The following MYBPC1 variants were observed in gnomAD, a reference collection of about 807,000 sequenced individuals.
MYBPC1 encodes myosin binding protein C1, also known as myosin-binding protein C, slow-type.
A neutral mutation model predicts 147.1 loss-of-function variants in MYBPC1; 52 were observed. The ratio of observed to expected loss-of-function variants is 0.35; its 90% confidence interval spans 0.28 to 0.45. MYBPC1 has a LOEUF of 0.45. MYBPC1 is among the 20% of genes least tolerant of loss of function. The pLI, the probability that MYBPC1 is intolerant of heterozygous loss-of-function variation, is 1.00. For missense variants in MYBPC1, 1,228 were observed against 1,440.3 expected (o/e 0.85, Z 2.39); for synonymous variants, 477 against 475.9 (o/e 1.00, Z -0.03).
intron 3 of MYBPC1, among the ~76,000 whole-genome samples, chr12:101,617,730 A>G (rs939922420): frequency 1.3e-5 from 2 of 152,246 alleles, no homozygotes; most frequent in African/African-American, 2.4e-5. Context: ...CTACAGATAC[A>G]CAATATAACA....
chr12:101,651,447 C>A lies in MYBPC1; in HGVS notation c.1526+54C>A, dbSNP rs1332624031. 2.5e-6 allele frequency: 4 copies of A among 1,601,158 alleles called. No individual in the cohort carries two copies. The African/African-American group carries it at 5.4e-5, about 21-fold the overall frequency. Reference sequence around the variant, plus strand: ...GGTTTGGTCCCATTTCTACTTTCTCCATTTTCTAAATTACATATTTGGTGA... The same window carrying A: ...GGTTTGGTCCCATTTCTACTTTCTCAATTTTCTAAATTACATATTTGGTGA... On this transcript the variant is annotated intron_variant, in intron 16 of 31. Transcript: ENST00000361466.
In MYBPC1 at chr12:101,652,789, G is replaced by A; in HGVS notation, c.1633+5G>A. On this transcript the variant is annotated splice_donor_5th_base_variant and intron_variant, in intron 17 of 31. Coordinates refer to ENST00000361466, the MANE Select transcript of MYBPC1 (RefSeq NM_002465.4). ...CTGCCAAAGTTCATGTTATTGGTGA[G>A]TAGATAAAATAATTCATTGCATAGT... is the stretch of plus-strand genomic sequence containing the variant. 6.2e-7 allele frequency: 1 copy of A among 1,601,832 alleles called. No homozygotes were observed. The highest frequency in any genetic ancestry group is 8.6e-7 in the Non-Finnish European group (1 of 1,168,892).
Position 101,678,257 on chromosome 12 carries a change from A to C in MYBPC1, c.3246+19A>C, listed in dbSNP as rs199643410. On this transcript the variant is annotated intron_variant, in intron 28 of 31. Transcript: ENST00000361466. Reference sequence around the variant, plus strand: ...TCCTAAGGTACCATGTTCTTCTATCACATCAGTTAAAGTCCCTGTCTTGTA... The same window carrying C: ...TCCTAAGGTACCATGTTCTTCTATCCCATCAGTTAAAGTCCCTGTCTTGTA... 127 of 1,613,548 alleles carry C rather than the reference A, an allele frequency of 7.9e-5. No homozygotes were observed. Among genetic ancestry groups the C allele is most frequent in the Admixed American group, 2.0e-4 (12 of 60,024 alleles).
intron 1 of MYBPC1, among the ~76,000 whole-genome samples, chr12:101,611,186 C>T (rs73386346): frequency 0.028 from 4,272 of 152,316 alleles, 198 homozygotes; most frequent in African/African-American, 0.096. Context: ...CATCCCACAA[C>T]GGTCCTAGCA....
At chr12:101,658,047 C>A (rs1185049534) in intron 18 of MYBPC1, among the ~76,000 whole-genome samples, 1 of 149,752 alleles carries the variant, frequency 6.7e-6, no homozygotes, top group African/African-American at 2.5e-5. Context: ...AGGAGAATGG[C>A]GTGAACCCGG....
intron 31 of MYBPC1, 108 bp from the exon 32 acceptor site, chr12:101,685,474 G>T: frequency 1.3e-6 from 1 of 747,072 alleles, no homozygotes; most frequent in Non-Finnish European, 2.3e-6. Flanking sequence ...TGTAACTAAT[G>T]GGAACATGAT....
intron 22 of MYBPC1, among the ~76,000 whole-genome samples, chr12:101,665,383 A>C (rs1897253179): frequency 6.6e-6 from 1 of 151,964 alleles, no homozygotes; most frequent in African/African-American, 2.4e-5. Flanking sequence ...CTAATTTTCT[A>C]TAGTGTTTAA....
chr12:101,623,731 T>G (rs1887954344), intron 3 of MYBPC1, among the ~76,000 whole-genome samples: 1 of 152,208 alleles, frequency 6.6e-6, no homozygotes, highest in South Asian at 2.1e-4. Flanking sequence ...CTTATATATT[T>G]CAGTAAATAA....
rs1484765766 is a variant in MYBPC1 at position 101,673,379 on chromosome 12, T to G, written c.2614-48T>G. On this transcript the variant is annotated intron_variant, in intron 24 of 31. Coordinates refer to ENST00000361466, the MANE Select transcript of MYBPC1 (RefSeq NM_002465.4). ...TTCTCATAATGCTGAAGAAACATCT[T>G]GAGACAATATGATTTACCCTCTCTA... The G allele has an allele frequency of 2.5e-6, 4 of 1,585,552 alleles. No individual in the cohort carries two copies. In the South Asian group the frequency reaches 4.4e-5, roughly 18 times the overall value.
At chr12:101,668,173 A>G (rs953148616) in intron 23 of MYBPC1, among the ~76,000 whole-genome samples, 1 of 152,128 alleles carries the variant, frequency 6.6e-6, no homozygotes, top group Admixed American at 6.5e-5. Flanking sequence ...GCCTATTTAC[A>G]GTGGAGAGAG....
In MYBPC1 at chr12:101,682,629, T is replaced by C. The variant is rs778537300; in HGVS notation, c.3459T>C (p.Pro1153=). ...TGATATATCAAGGAGTAAATACCCC[T>C]GGACAACCAGTCTTCCTGGAGGGGC... is the stretch of plus-strand genomic sequence containing the variant. ...VKVIYQGVNT[P]GQPVFLEGQQ... is the part of the protein sequence containing the mutation. The change falls in exon 30 of 32, where the codon CCT becomes CCC. Residue 1153 remains proline, a synonymous_variant. Coordinates refer to ENST00000361466, the MANE Select transcript of MYBPC1 (RefSeq NM_002465.4). 1 of 1,613,216 alleles carries C rather than the reference T, an allele frequency of 6.2e-7. No individual in the cohort carries two copies. The highest frequency in any genetic ancestry group is 1.3e-5 in the African/African-American group (1 of 74,908).
rs749682051 is a variant in MYBPC1 at position 101,595,083 on chromosome 12, A to G, written c.13A>G (p.Thr5Ala). 2 of 1,613,108 alleles carry G rather than the reference A, an allele frequency of 1.2e-6. No homozygotes were observed. Among genetic ancestry groups the G allele is most frequent in the South Asian group, 2.2e-5 (2 of 91,052 alleles). The stretch of plus-strand genomic sequence containing the variant: ...TCTTATTGTGGCCATGCCAGAACCC[A>G]CTAAGAAAGAGGGTAAGACTTATCT... MPEP[T>A]KKEENEVPAP... Residue 5 changes from threonine (T) to alanine (A), a missense_variant, in exon 1 of 32, where the codon ACT (threonine) becomes GCT (alanine). By Grantham distance (58) the Thr-to-Ala change is moderately conservative. Around this residue, in one of 2 missense-constraint regions of MYBPC1, gnomAD observed 151 missense variants for 126.1 expected, o/e 1.20. Transcript: ENST00000361466.
chr12:101,688,984 A>G (rs1347929011), downstream of MYBPC1, among the ~76,000 whole-genome samples: 1 of 151,180 alleles, frequency 6.6e-6, no homozygotes, highest in Non-Finnish European at 1.5e-5. Flanking sequence ...AGAAAAAAAA[A>G]GAGGTACTTC....
At chr12:101,652,839 CT>C in intron 17 of MYBPC1, 55 bp downstream of exon 17, 1 of 1,428,924 alleles carries the variant, frequency 7.0e-7, no homozygotes, top group Non-Finnish European at 9.9e-7. Flanking sequence ...TTTGCTTTTG[CT>C]TACCATGGAA....
chr12:101,656,343 G>C (rs11110931), intron 18 of MYBPC1, among the ~76,000 whole-genome samples: 34,097 of 152,002 alleles, frequency 0.22, 4,102 homozygotes, highest in Middle Eastern at 0.34. Context: ...GATATTGATC[G>C]AGCTATACCA....
intron 3 of MYBPC1, among the ~76,000 whole-genome samples, chr12:101,620,819 C>A (rs999045039): frequency 1.3e-5 from 2 of 152,140 alleles, no homozygotes; most frequent in East Asian, 1.9e-4. Flanking sequence ...GAGTCTGTAT[C>A]TTTTCAATTG....
At chr12:101,608,187 G>A (rs780389193) in intron 1 of MYBPC1, among the ~76,000 whole-genome samples, 2 of 152,178 alleles carry the variant, frequency 1.3e-5, no homozygotes, top group Non-Finnish European at 2.9e-5. Context: ...GAGAAAGTCT[G>A]TATATGTTCA....
intron 28 of MYBPC1, among the ~76,000 whole-genome samples, chr12:101,679,235 T>C (rs1950776272): frequency 6.6e-6 from 1 of 151,482 alleles, no homozygotes; most frequent in Admixed American, 6.6e-5. Context: ...TTGGAAATGA[T>C]GTTGGTACAT....
chr12:101,617,132 AC>A, intron 2 of MYBPC1, 69 bp from the exon 3 acceptor site: 1 of 1,456,752 alleles, frequency 6.9e-7, no homozygotes, highest in Non-Finnish European at 9.6e-7. Flanking sequence ...CCCCCTCTCC[AC>A]CCCGTTGCTC....
Sources: gnomAD v4.1 joint callset for allele counts (sites outside exome capture counted in the v4.1 genomes callset) on GRCh38, gnomAD v4.1.1 for gene constraint, gnomAD v4.1.1 regional missense constraint, MANE v1.5 for transcripts, NCBI Gene and HGNC (gene_info 2026-07-23, HGNC 2026-07-21) for gene names.